CENPC: variants seen among roughly 807,000 people sequenced by gnomAD.
CENPC encodes the protein centromere protein C, also known as CENP-C 1.
CENPC carries 63 observed loss-of-function variants against 112.1 expected under a neutral mutation model. The ratio of observed to expected loss-of-function variants is 0.56; its 90% CI spans 0.46 to 0.69. The LOEUF is 0.69. Ranked by LOEUF, CENPC falls within the 30% of genes least tolerant of loss-of-function variation. CENPC has a pLI of 0.00. For synonymous variants in CENPC, 333 were observed against 367.6 expected (o/e 0.91, Z 1.08); for missense variants, 1,000 against 1,103.8 (o/e 0.91, Z 1.33).
At chr4:67,476,180 C>G (rs1274482575) in intron 17 of CENPC, among the ~76,000 whole-genome samples, 1 of 152,192 alleles carries the variant, frequency 6.6e-6, no homozygotes, top group Non-Finnish European at 1.5e-5. Flanking sequence ...AGCTCCCACT[C>G]AGATGGACAG....
intron 12 of CENPC, among the ~76,000 whole-genome samples, chr4:67,501,816 C>T (rs541606952): frequency 2.6e-5 from 4 of 152,038 alleles, no homozygotes; most frequent in South Asian, 2.1e-4. Context: ...TGATAATAGA[C>T]GTGTATTTAT....
At chr4:67,518,441 T>A in intron 6 of CENPC, 73 bp from the exon 7 acceptor site, 1 of 1,409,592 alleles carries the variant, frequency 7.1e-7, no homozygotes, top group East Asian at 2.6e-5. Flanking sequence ...CCTGAACTCC[T>A]TTACAGAGAC....
rs2109841924 is a variant in CENPC, at chr4:67,545,470, T to A, written c.-115A>T. 1 of 1,109,346 alleles carries A rather than the reference T, an allele frequency of 9.0e-7. No individual in the cohort carries two copies. The highest frequency in any genetic ancestry group is 1.6e-5 in the African/African-American group (1 of 61,926). The allele number at this position is 1,109,346 out of a possible 1,614,324, so 68.7% of individuals were successfully genotyped here. ...GGAATACCAGGCCGCGGCCAAGCAA[T>A]AACCTTAAGTCTCAGGCGACTGCCG... is the stretch of plus-strand genomic sequence containing the variant. On this transcript the variant is annotated 5_prime_UTR_variant, in exon 1 of 19. Transcript: ENST00000273853.
At chr4:67,495,037 TATCTGCCAATTA>T (rs1395827761) in intron 13 of CENPC, 110 bp downstream of exon 13, 2 of 978,540 alleles carry the variant, frequency 2.0e-6, no homozygotes, top group Admixed American at 3.7e-5. Flanking sequence ...AATTTTAATT[TATCTGCCAATTA>T]ATCCACATAA....
In CENPC at chr4:67,483,795, A is replaced by T. The variant is rs183149625; in HGVS notation, c.2670+6172T>A. Among the ~76,000 whole-genome samples the T allele has an allele frequency of 1.6e-3, 241 of 152,266 alleles. 1 individual carries two copies. Among genetic ancestry groups the T allele is most frequent in the Non-Finnish European group, 1.8e-3 (125 of 68,028 alleles). ...AAGTTTTAAAAGTTAAAAAAAAAAT[A>T]GAAAAAAGCTTATAGAATAAGGAAA... On this transcript the variant is annotated intron_variant, in intron 17 of 18. Transcript: ENST00000273853.
chr4:67,506,159 A>T (rs1725726526), intron 11 of CENPC, among the ~76,000 whole-genome samples: 1 of 152,184 alleles, frequency 6.6e-6, no homozygotes, highest in South Asian at 2.1e-4. Flanking sequence ...GTTATATGAC[A>T]TCAGATATAA....
intron 7 of CENPC, among the ~76,000 whole-genome samples, chr4:67,516,970 A>G (rs960807084): frequency 2.0e-5 from 3 of 152,032 alleles, no homozygotes; most frequent in Non-Finnish European, 2.9e-5. Context: ...TAGAGTATCA[A>G]AAAGAACATT....
chr4:67,507,795 C>G (rs1423456493), intron 10 of CENPC, among the ~76,000 whole-genome samples: 1 of 152,036 alleles, frequency 6.6e-6, no homozygotes, highest in Non-Finnish European at 1.5e-5. Flanking sequence ...AGAAGCAAAG[C>G]AAGCTACCGA....
chr4:67,507,204 C>T (rs1253158313), intron 10 of CENPC, among the ~76,000 whole-genome samples: 1 of 152,128 alleles, frequency 6.6e-6, no homozygotes, highest in African/African-American at 2.4e-5. Context: ...GAGACCTTAT[C>T]TATAAGCAGC....
chr4:67,498,469 A>G (rs1725501081), intron 12 of CENPC, among the ~76,000 whole-genome samples: 1 of 152,182 alleles, frequency 6.6e-6, no homozygotes, highest in Non-Finnish European at 1.5e-5. Flanking sequence ...CAAAACCGCA[A>G]TCAATCCTCT....
At chr4:67,517,794 G>A (rs1035861764) in intron 7 of CENPC, among the ~76,000 whole-genome samples, 29 of 152,056 alleles carry the variant, frequency 1.9e-4, no homozygotes, top group Admixed American at 1.2e-3. Flanking sequence ...CCGAGATTGC[G>A]TCACTGCACT....
chr4:67,482,787 G>C (rs999284705), intron 17 of CENPC, among the ~76,000 whole-genome samples: 5 of 152,068 alleles, frequency 3.3e-5, no homozygotes, highest in Non-Finnish European at 1.5e-5. Flanking sequence ...CTACACGGTG[G>C]GTACAGTGTT....
At chr4:67,500,226 T>C (rs1725554995) in intron 12 of CENPC, among the ~76,000 whole-genome samples, 1 of 151,828 alleles carries the variant, frequency 6.6e-6, no homozygotes, top group Non-Finnish European at 1.5e-5. Context: ...AAACCTTCAA[T>C]TTGTGAAAAA....
intron 12 of CENPC, among the ~76,000 whole-genome samples, chr4:67,502,821 C>A (rs1725628853): frequency 6.6e-6 from 1 of 152,134 alleles, no homozygotes; most frequent in South Asian, 2.1e-4. Context: ...TCTAACGCCT[C>A]TCTTTTTCTT....
chr4:67,486,375 G>A (rs1166854220), intron 17 of CENPC, among the ~76,000 whole-genome samples: 1 of 152,070 alleles, frequency 6.6e-6, no homozygotes, highest in Admixed American at 6.6e-5. Context: ...CCGCAATACT[G>A]TTATCACACC....
At chr4:67,531,803 A>AC (rs1241139660) in intron 4 of CENPC, among the ~76,000 whole-genome samples, 1 of 152,108 alleles carries the variant, frequency 6.6e-6, no homozygotes, top group African/African-American at 2.4e-5. Flanking sequence ...TCCCTTACTG[A>AC]CCCAGCTGTG....
chr4:67,531,033 A>C (rs1323676705), intron 4 of CENPC, 119 bp from the exon 5 acceptor site: 2 of 505,156 alleles, frequency 4.0e-6, no homozygotes, highest in African/African-American at 2.0e-5. Context: ...ACCAGCTGTT[A>C]AGAGTTTTAT....
intron 5 of CENPC, among the ~76,000 whole-genome samples, chr4:67,520,324 A>G (rs116343344): frequency 4.7e-4 from 71 of 152,326 alleles, no homozygotes; most frequent in African/African-American, 1.7e-3. Flanking sequence ...GGCAGGCGGT[A>G]TGACCCACAT....
chr4:67,491,464 TATATATATATATATATAGAGAGAGAG>T (rs1157615091), intron 16 of CENPC, among the ~76,000 whole-genome samples: 2 of 66,366 alleles, frequency 3.0e-5, no homozygotes, highest in African/African-American at 1.1e-4. Flanking sequence ...TATATATATA[TATATATATATATATATAGAGAGAGAG>T]AGAGAGAGAG....
Sources: gnomAD v4.1 joint callset for allele counts (sites outside exome capture counted in the v4.1 genomes callset) on GRCh38, gnomAD v4.1.1 for gene constraint, MANE v1.5 for transcripts, NCBI Gene and HGNC (gene_info 2026-07-23, HGNC 2026-07-21) for gene names.